The following FRMPD4 variants were observed in gnomAD, a reference collection of about 807,000 sequenced individuals.
The protein encoded by FRMPD4 is FERM and PDZ domain containing 4.
A neutral mutation model predicts 94.1 loss-of-function variants in FRMPD4; 22 were observed. The ratio of observed to expected loss-of-function variants is 0.23; its 90% CI spans 0.17 to 0.33. The LOEUF (loss-of-function observed/expected upper bound fraction) is 0.33. Ranked by LOEUF, FRMPD4 falls within the 10% of genes least tolerant of loss-of-function variation. The probability of loss-of-function intolerance (pLI) is 1.00; values close to 1 mark genes in which losing one functional copy is unlikely to be tolerated. For synonymous variants in FRMPD4, 631 were observed against 548.6 expected (o/e 1.15, Z -2.10); for missense variants, 1,111 against 1,339.9 (o/e 0.83, Z 2.67).
rs72612888 is a variant in FRMPD4 at position 12,486,429 on chromosome X, C to T, written c.42-12251C>T. Among the ~76,000 whole-genome samples the T allele has an allele frequency of 5.5e-3, 617 of 112,295 alleles. 11 individuals are homozygous for T. Among genetic ancestry groups the T allele is most frequent in the Admixed American group, 0.039 (419 of 10,611 alleles). ...AAGGGGCACTTTTCATTATGAAAGG[C>T]TTTTCTGCACTTTTCTAATAAAGGT... is the stretch of plus-strand genomic sequence containing the variant. On this transcript the variant is annotated intron_variant, in intron 1 of 16. Transcript: ENST00000675598.
At chrX:12,341,015 C>T (rs1736524222) in intron 1 of FRMPD4, among the ~76,000 whole-genome samples, 1 of 112,001 alleles carries the variant, frequency 8.9e-6, no homozygotes, top group African/African-American at 3.2e-5. Flanking sequence ...AAATTACAAA[C>T]TTCACTTTAT....
chrX:12,134,764 C>T (rs900478180), upstream of FRMPD4, among the ~76,000 whole-genome samples: 4 of 111,342 alleles, frequency 3.6e-5, no homozygotes, highest in Non-Finnish European at 7.6e-5. Flanking sequence ...TTAATCCAAG[C>T]GAATGTTGGG....
At chrX:11,931,220 A>G (rs1251697075) in intron 3 of FRMPD4, among the ~76,000 whole-genome samples, 1 of 112,121 alleles carries the variant, frequency 8.9e-6, no homozygotes, top group Non-Finnish European at 1.9e-5. Context: ...GAGCCCCCAG[A>G]TTCCATTGAG....
chrX:12,189,818 A>G (rs928076339), intron 1 of FRMPD4, among the ~76,000 whole-genome samples: 1 of 111,545 alleles, frequency 9.0e-6, no homozygotes, highest in African/African-American at 3.2e-5. Flanking sequence ...AAGATCAGGA[A>G]TGATGCAAAG....
chrX:11,830,679 A>G (rs2053469932), intron 1 of FRMPD4, among the ~76,000 whole-genome samples: 1 of 112,058 alleles, frequency 8.9e-6, no homozygotes, highest in South Asian at 3.7e-4. Flanking sequence ...TGCTGTTTGA[A>G]GCCATTTCTC....
chrX:11,902,381 T>C (rs1317347599), intron 3 of FRMPD4, among the ~76,000 whole-genome samples: 1 of 111,351 alleles, frequency 9.0e-6, no homozygotes, highest in African/African-American at 3.3e-5. Flanking sequence ...CTGAAGCACA[T>C]GGCCACCTTT....
At chrX:12,645,228 C>A (rs2148466069) in intron 4 of FRMPD4, among the ~76,000 whole-genome samples, 1 of 109,780 alleles carries the variant, frequency 9.1e-6, no homozygotes, top group South Asian at 4.0e-4. Context: ...ATCTGCTAAT[C>A]CTTTACCATT....
intron 1 of FRMPD4, among the ~76,000 whole-genome samples, chrX:12,394,804 T>C (rs767884127): frequency 7.1e-5 from 8 of 112,105 alleles, no homozygotes; most frequent in Non-Finnish European, 1.1e-4. Flanking sequence ...TTTGGATTTG[T>C]GTTCTGACTG....
chrX:12,277,120 C>CAAA (rs765802561), intron 1 of FRMPD4, among the ~76,000 whole-genome samples: 1 of 46,748 alleles, frequency 2.1e-5, no homozygotes, highest in African/African-American at 7.0e-5. Context: ...GACTCCGTCT[C>CAAA]AAAAAAAAAA....
rs964223371 is a variant in FRMPD4, at chrX:12,721,565, A to G, written c.4996A>G (p.Ser1666Gly). ...TAGGAAAATGGCGATGGCTGAGAAA[A>G]GCCCGGAGGAGATGCTCCTAGCTAT... is the stretch of plus-strand genomic sequence containing the variant. ...ACRKMAMAEK[S>G]PEEMLLAMTS... The change falls in exon 17 of 17, where the codon AGC becomes GGC. Residue 1666 changes from serine (S) to glycine (G), a missense_variant. By Grantham distance (56) the Ser-to-Gly change is moderately conservative. Transcript: ENST00000675598. 8.0e-6 allele frequency: 6 copies of G among 753,046 alleles called. No homozygotes were observed. The highest frequency in any genetic ancestry group is 3.9e-4 in the Middle Eastern group (1 of 2,583). The allele number at this position is 753,046 out of a possible 1,213,427, so 62.1% of individuals were successfully genotyped here.
At chrX:12,090,271 T>C (rs1257255493) in intron 3 of FRMPD4, among the ~76,000 whole-genome samples, 1 of 109,179 alleles carries the variant, frequency 9.2e-6, no homozygotes, top group African/African-American at 3.3e-5. Flanking sequence ...CTTTTAAAAG[T>C]GTGTGGCATC....
chrX:12,548,895 C>T (rs1024031704), intron 2 of FRMPD4, among the ~76,000 whole-genome samples: 1 of 111,221 alleles, frequency 9.0e-6, no homozygotes, highest in Admixed American at 9.6e-5. Context: ...CAATAGGGCC[C>T]AAATAGCTAA....
intron 1 of FRMPD4, among the ~76,000 whole-genome samples, chrX:12,498,247 G>A (rs768264274): frequency 1.8e-4 from 20 of 111,706 alleles, no homozygotes; most frequent in South Asian, 7.7e-4. Flanking sequence ...ACTTCCTTCC[G>A]AAGTATGGTT....
chrX:12,320,250 G>A (rs1601815467), intron 1 of FRMPD4, among the ~76,000 whole-genome samples: 1 of 111,456 alleles, frequency 9.0e-6, no homozygotes, highest in Admixed American at 9.6e-5. Context: ...AATTTACACT[G>A]CCAGGTACTG....
At chrX:12,627,623 T>C (rs1296597127) in intron 4 of FRMPD4, among the ~76,000 whole-genome samples, 1 of 112,119 alleles carries the variant, frequency 8.9e-6, no homozygotes, top group Non-Finnish European at 1.9e-5. Context: ...TGATATATAA[T>C]GACGGAAATT....
At chrX:12,394,741 A>G (rs1383723060) in intron 1 of FRMPD4, among the ~76,000 whole-genome samples, 1 of 111,662 alleles carries the variant, frequency 9.0e-6, no homozygotes, top group East Asian at 2.8e-4. Flanking sequence ...ATAAAGTATA[A>G]CATAGAACAG....
chrX:12,578,798 G>A (rs963924321), intron 2 of FRMPD4, among the ~76,000 whole-genome samples: 2 of 111,770 alleles, frequency 1.8e-5, no homozygotes, highest in East Asian at 5.6e-4. Flanking sequence ...ATCCTTGTTG[G>A]AGCAATGCTG....
chrX:12,456,691 T>G lies in FRMPD4; in HGVS notation c.42-41989T>G, dbSNP rs189182555. Among the ~76,000 whole-genome samples the G allele has an allele frequency of 8.2e-4, 93 of 113,178 alleles. 1 individual carries two copies. Among genetic ancestry groups the G allele is most frequent in the Admixed American group, 7.9e-3 (85 of 10,775 alleles). On this transcript the variant is annotated intron_variant, in intron 1 of 16. Coordinates refer to ENST00000675598, the MANE Select transcript of FRMPD4 (RefSeq NM_001368397.1). ...TGAAAATAACTTATTGTAAGATTCT[T>G]AAATAATTTTGGACATTTGCTGCTG...
intron 1 of FRMPD4, among the ~76,000 whole-genome samples, chrX:12,321,514 G>A (rs1318804644): frequency 8.9e-6 from 1 of 112,185 alleles, no homozygotes; most frequent in East Asian, 2.8e-4. Context: ...TTGCCCAACT[G>A]TAGGCTAATG....
Sources: gnomAD v4.1 joint callset for allele counts (sites outside exome capture counted in the v4.1 genomes callset) on GRCh38, gnomAD v4.1.1 for gene constraint, MANE v1.5 for transcripts, NCBI Gene and HGNC (gene_info 2026-07-23, HGNC 2026-07-21) for gene names.